The following GLIPR1L2 variants were observed in gnomAD, a reference collection of about 807,000 sequenced individuals.
GLIPR1L2 encodes the protein GLIPR1-like protein 2.
Under a neutral mutation model 28.4 loss-of-function variants are expected in GLIPR1L2, and 21 were observed. The ratio of observed to expected loss-of-function variants is 0.74; its 90% CI spans 0.52 to 1.06. GLIPR1L2 has a LOEUF of 1.06. Among genes scored for constraint, GLIPR1L2 ranks in the 50% least tolerant of loss-of-function variants. GLIPR1L2 has a pLI of 0.00. For missense variants in GLIPR1L2, 476 were observed against 416.9 expected (o/e 1.14, Z -1.23); for synonymous variants, 145 against 139.3 (o/e 1.04, Z -0.29).
At chr12:75,423,452 T>C (rs922922920) in intron 4 of GLIPR1L2, 22 of 909,646 alleles carry the variant, frequency 2.4e-5, no homozygotes, top group Non-Finnish European at 2.9e-5. Context: ...CATTTTTCTT[T>C]TAGTTTTTCC....
intron 1 of GLIPR1L2, among the ~76,000 whole-genome samples, chr12:75,398,750 GCAGT>G (rs749276237): frequency 1.3e-5 from 2 of 152,082 alleles, no homozygotes; most frequent in Non-Finnish European, 2.9e-5. Flanking sequence ...AAAGAACAGT[GCAGT>G]CAATGTTAAC....
At chr12:75,391,666 T>C in intron 1 of GLIPR1L2, 1 of 593,072 alleles carries the variant, frequency 1.7e-6, no homozygotes, top group South Asian at 1.7e-5. Context: ...TAAAAATCAG[T>C]GCAAAAATAT....
chr12:75,391,877 A>ATTT (rs5799223), intron 1 of GLIPR1L2, among the ~76,000 whole-genome samples: 43 of 147,476 alleles, frequency 2.9e-4, no homozygotes, highest in African/African-American at 1.0e-3. Flanking sequence ...TGTTATCTTG[A>ATTT]TTTTTTTTTT....
intron 1 of GLIPR1L2, among the ~76,000 whole-genome samples, chr12:75,399,718 C>T (rs1566064512): frequency 6.6e-6 from 1 of 152,070 alleles, no homozygotes; most frequent in African/African-American, 2.4e-5. Flanking sequence ...GCTATTCAGA[C>T]TTTTTAACAT....
intron 2 of GLIPR1L2, among the ~76,000 whole-genome samples, chr12:75,411,756 C>G (rs1167229225): frequency 6.6e-6 from 1 of 151,876 alleles, no homozygotes; most frequent in African/African-American, 2.4e-5. Context: ...TTTAATGTGT[C>G]TCTTTATTTC....
In GLIPR1L2 at chr12:75,430,705, T is replaced by C. The variant is rs1405403072; in HGVS notation, c.671-10T>C. 3 of 1,528,680 alleles carry C rather than the reference T, an allele frequency of 2.0e-6. No homozygotes were observed. The highest frequency in any genetic ancestry group is 2.6e-6 in the Non-Finnish European group (3 of 1,144,832). 94.7% of individuals were successfully genotyped at this position (1,528,680 alleles called of 1,614,324 possible). ...TATGTAATTTTTGTGGACTTTCTTT[T>C]TCTTTCTAGGTAATGCAGATCGTGA... On this transcript the variant is annotated splice_polypyrimidine_tract_variant and intron_variant, in intron 4 of 5. Coordinates refer to ENST00000550916, the MANE Select transcript of GLIPR1L2 (RefSeq NM_001270396.2).
At chr12:75,426,725 C>T (rs2046038076) in intron 4 of GLIPR1L2, among the ~76,000 whole-genome samples, 1 of 152,244 alleles carries the variant, frequency 6.6e-6, no homozygotes, top group Non-Finnish European at 1.5e-5. Context: ...TGGCTTCAAA[C>T]TTCTCTACCA....
chr12:75,400,415 C>T lies in GLIPR1L2; in HGVS notation c.234+9065C>T, dbSNP rs1400790445. Among the ~76,000 whole-genome samples, 3 of 152,184 alleles carry T rather than the reference C, an allele frequency of 2.0e-5. No individual in the cohort carries two copies. The East Asian group carries it at 5.8e-4, about 29-fold the overall frequency. ...GGGATTACAGGCGTGAGCCACCGTGCCCGGCCTGAACGTTCTTTATACTAA... is the reference window on the plus strand; with the variant it reads ...GGGATTACAGGCGTGAGCCACCGTGTCCGGCCTGAACGTTCTTTATACTAA... On this transcript the variant is annotated intron_variant, in intron 1 of 5. Coordinates refer to ENST00000550916, the MANE Select transcript of GLIPR1L2 (RefSeq NM_001270396.2).
At chr12:75,421,589 C>T (rs866759541) in intron 3 of GLIPR1L2, among the ~76,000 whole-genome samples, 1 of 152,166 alleles carries the variant, frequency 6.6e-6, no homozygotes, top group African/African-American at 2.4e-5. Context: ...ATGCTGCCCC[C>T]ACTCAAATGT....
chr12:75,396,097 G>C (rs1490702749), intron 1 of GLIPR1L2, among the ~76,000 whole-genome samples: 1 of 151,980 alleles, frequency 6.6e-6, no homozygotes, highest in African/African-American at 2.4e-5. Context: ...TTTTCCCAAG[G>C]TATTTTCTTT....
intron 3 of GLIPR1L2, among the ~76,000 whole-genome samples, chr12:75,420,545 A>G (rs1459200867): frequency 6.6e-6 from 1 of 152,196 alleles, no homozygotes; most frequent in Admixed American, 6.5e-5. Context: ...CTAGAAGACT[A>G]TGTTCAAGAG....
chr12:75,404,751 A>G (rs568757249), intron 1 of GLIPR1L2, among the ~76,000 whole-genome samples: 10 of 152,238 alleles, frequency 6.6e-5, no homozygotes, highest in Non-Finnish European at 1.5e-4. Flanking sequence ...CCTAACATGC[A>G]TGTGCCATAA....
chr12:75,406,877 C>T (rs1489803037), intron 1 of GLIPR1L2, among the ~76,000 whole-genome samples: 2 of 152,044 alleles, frequency 1.3e-5, no homozygotes, highest in African/African-American at 2.4e-5. Context: ...CCTGAGCCCT[C>T]TCTGGCTAGG....
intron 2 of GLIPR1L2, among the ~76,000 whole-genome samples, chr12:75,411,387 C>T (rs150367144): frequency 1.1e-3 from 160 of 151,986 alleles, no homozygotes; most frequent in African/African-American, 3.7e-3. Context: ...TCAATAGACC[C>T]TGATGTCACG....
intron 4 of GLIPR1L2, among the ~76,000 whole-genome samples, chr12:75,429,950 T>C (rs1490582434): frequency 6.7e-6 from 1 of 148,976 alleles, no homozygotes; most frequent in Non-Finnish European, 1.5e-5. Flanking sequence ...TTTTTTTTTT[T>C]TTTTGAGACA....
intron 2 of GLIPR1L2, 117 bp from the exon 3 acceptor site, chr12:75,413,481 A>G: frequency 3.2e-6 from 2 of 616,354 alleles, no homozygotes; most frequent in South Asian, 2.3e-5. Context: ...AAAATAGTTT[A>G]TATTTCTTGA....
chr12:75,423,038 A>ACAG, intron 4 of GLIPR1L2, 49 bp downstream of exon 4: 1 of 1,606,398 alleles, frequency 6.2e-7, no homozygotes, highest in Non-Finnish European at 8.5e-7. Context: ...GGATTGGACA[A>ACAG]GAAAAATAAG....
At chr12:75,418,751 C>A (rs2139955036) in intron 3 of GLIPR1L2, among the ~76,000 whole-genome samples, 1 of 152,234 alleles carries the variant, frequency 6.6e-6, no homozygotes. Flanking sequence ...AGCATTGAAT[C>A]TATAAATTGC....
chr12:75,419,031 G>A (rs1162696825), intron 3 of GLIPR1L2, among the ~76,000 whole-genome samples: 3 of 152,108 alleles, frequency 2.0e-5, no homozygotes, highest in Non-Finnish European at 4.4e-5. Context: ...TGCGAGGGGA[G>A]GGATAGCATT....
Sources: allele counts gnomAD v4.1 joint callset (sites outside exome capture counted in the v4.1 genomes callset), GRCh38; gene constraint gnomAD v4.1.1; transcripts MANE v1.5; gene names NCBI Gene and HGNC (gene_info 2026-07-23, HGNC 2026-07-21).